Variants in ZDHHC13 observed in about 807,000 individuals in gnomAD.
The protein encoded by ZDHHC13 is zDHHC palmitoyltransferase 13.
In ZDHHC13, 85 loss-of-function variants were observed where a neutral mutation model predicts 86.0. The ratio of observed to expected loss-of-function variants is 0.99; its 90% CI spans 0.83 to 1.18. The LOEUF (loss-of-function observed/expected upper bound fraction) is 1.18, where lower values mean the gene tolerates loss of function less well. ZDHHC13 is among the 50% of genes most tolerant of loss of function. The pLI is 0.00. For missense variants in ZDHHC13, 711 were observed against 730.2 expected (o/e 0.97, Z 0.30); for synonymous variants, 263 against 246.4 (o/e 1.07, Z -0.63).
chr11:19,117,353 G>C lies in ZDHHC13; in HGVS notation c.27+77G>C, dbSNP rs1590054501. ...CTGTGGAGGAAAGGATGGTGTGGGT[G>C]AGAGGCCGCTCGATGAGGGGGTTTC... On this transcript the variant is annotated intron_variant, in intron 1 of 16. Coordinates refer to ENST00000446113, the MANE Select transcript of ZDHHC13 (RefSeq NM_019028.3). This position sits in a 1 kb window ranked among gnomAD's most constrained non-coding sequence, Gnocchi z 4.2. 5.1e-6 allele frequency: 7 copies of C among 1,365,218 alleles called. No homozygotes were observed. The East Asian group carries it at 2.1e-4, about 40-fold the overall frequency. The allele number at this position is 1,365,218 out of a possible 1,614,324, so 84.6% of individuals were successfully genotyped here.
intron 5 of ZDHHC13, among the ~76,000 whole-genome samples, chr11:19,150,476 C>T (rs1849578520): frequency 1.3e-5 from 2 of 152,086 alleles, no homozygotes; most frequent in African/African-American, 4.8e-5. Context: ...TACTCTTTCC[C>T]TTAACTGTGT....
At chr11:19,156,063 G>A (rs1426053893) in intron 9 of ZDHHC13, 134 bp downstream of exon 9, 3 of 1,122,216 alleles carry the variant, frequency 2.7e-6, no homozygotes, top group Non-Finnish European at 3.6e-6. Flanking sequence ...CATCCTGCGG[G>A]TGGATGGGAG....
chr11:19,150,045 G>T (rs1047636088), intron 5 of ZDHHC13, among the ~76,000 whole-genome samples: 1 of 152,134 alleles, frequency 6.6e-6, no homozygotes, highest in Admixed American at 6.5e-5. Flanking sequence ...GAAGAGTCCT[G>T]TCTGCTTCTC....
chr11:19,122,369 TAA>T (rs1168690823), intron 1 of ZDHHC13, among the ~76,000 whole-genome samples: 1 of 152,208 alleles, frequency 6.6e-6, no homozygotes, highest in African/African-American at 2.4e-5. Context: ...ATGTGTCTGA[TAA>T]AGAGTTCCTG....
At chr11:19,119,919 T>TCTCA (rs140016299) in intron 1 of ZDHHC13, among the ~76,000 whole-genome samples, 6,585 of 152,296 alleles carry the variant, frequency 0.043, 252 homozygotes, top group East Asian at 0.21. Flanking sequence ...CATATTTCTC[T>TCTCA]CTCACTCGCT....
At chr11:19,155,626 T>C (rs896565838) in intron 8 of ZDHHC13, among the ~76,000 whole-genome samples, 170 bp from the exon 9 acceptor site, 4 of 151,330 alleles carry the variant, frequency 2.6e-5, no homozygotes, top group Non-Finnish European at 5.9e-5. Context: ...ATGTACAATC[T>C]CTCAAACCTC....
In ZDHHC13 at chr11:19,142,980, C is replaced by T. The variant is rs774302722; in HGVS notation, c.30C>T (p.Cys10=). 6.2e-7 allele frequency: 1 copy of T among 1,606,068 alleles called. No individual in the cohort carries two copies. Among genetic ancestry groups the T allele is most frequent in the Non-Finnish European group, 8.5e-7 (1 of 1,175,634 alleles). Residue 10 remains cysteine, a splice_region_variant and synonymous_variant, in exon 2 of 17, where the codon TGC becomes TGT. Coordinates refer to ENST00000446113, the MANE Select transcript of ZDHHC13 (RefSeq NM_019028.3). ...GTCAAATGACTCTTACTCTTCAGTG[C>T]AGGAATCACAGCCATGGCCCCCACC... MEGPGLGSQ[C]RNHSHGPHPP...
chr11:19,121,326 T>C (rs1318883477), intron 1 of ZDHHC13, among the ~76,000 whole-genome samples: 1 of 151,968 alleles, frequency 6.6e-6, no homozygotes, highest in Non-Finnish European at 1.5e-5. Flanking sequence ...GTCTGAGGAG[T>C]AGTCTGTATT....
rs1848669930 is a variant in ZDHHC13 at position 19,117,497 on chromosome 11, C to G, written c.27+221C>G. On this transcript the variant is annotated intron_variant, in intron 1 of 16. Transcript: ENST00000446113. This position sits in a 1 kb window ranked among gnomAD's most constrained non-coding sequence, Gnocchi z 4.2. ...GAGGACTGAGGGGTGAGGGCCCGAG[C>G]CGGCCCCTCCAGCCTCCATCCCTGG... Among the ~76,000 whole-genome samples, 1 of 152,116 alleles carries G rather than the reference C, an allele frequency of 6.6e-6. No individual in the cohort carries two copies. Among genetic ancestry groups the G allele is most frequent in the Admixed American group, 6.5e-5 (1 of 15,284 alleles).
intron 14 of ZDHHC13, chr11:19,168,275 A>G (rs1284838802): frequency 6.6e-6 from 1 of 152,152 alleles, no homozygotes; most frequent in Non-Finnish European, 1.5e-5. Context: ...ACTGGATCCT[A>G]TGGGAGAGGA....
chr11:19,123,513 T>C (rs568724601), intron 1 of ZDHHC13, among the ~76,000 whole-genome samples: 38 of 152,138 alleles, frequency 2.5e-4, no homozygotes, highest in Middle Eastern at 6.8e-3. Flanking sequence ...CAGGGTGTGG[T>C]AGTGCTTGCT....
chr11:19,170,198 A>T (rs2133479753), intron 14 of ZDHHC13: 1 of 1,375,080 alleles, frequency 7.3e-7, no homozygotes, highest in East Asian at 2.9e-5. Context: ...CTACTTATAC[A>T]GTGTTATCAT....
At chr11:19,144,498 CT>C (rs61136811) in intron 2 of ZDHHC13, among the ~76,000 whole-genome samples, 72,426 of 150,138 alleles carry the variant, frequency 0.48, 21,313 homozygotes, top group Non-Finnish European at 0.64. Context: ...AATGTATATT[CT>C]TATTATGTTT....
At chr11:19,166,456 G>T (rs1850072592) in intron 14 of ZDHHC13, 71 bp downstream of exon 14, 2 of 1,239,034 alleles carry the variant, frequency 1.6e-6, no homozygotes, top group Admixed American at 4.4e-5. Flanking sequence ...GTAAACCCTT[G>T]TATATCACAT....
chr11:19,140,133 A>G (rs1849270278), intron 1 of ZDHHC13, among the ~76,000 whole-genome samples: 1 of 150,202 alleles, frequency 6.7e-6, no homozygotes, highest in African/African-American at 2.5e-5. Flanking sequence ...CAGGCAACCT[A>G]CAACATGGGA....
intron 1 of ZDHHC13, among the ~76,000 whole-genome samples, chr11:19,140,010 G>T (rs1187696092): frequency 6.7e-6 from 1 of 150,280 alleles, no homozygotes; most frequent in Non-Finnish European, 1.5e-5. Flanking sequence ...CATGGGAAAG[G>T]ACTTCATGTC....
intron 1 of ZDHHC13, among the ~76,000 whole-genome samples, chr11:19,138,353 A>G (rs1190425865): frequency 5.9e-5 from 9 of 151,850 alleles, no homozygotes; most frequent in Admixed American, 2.0e-4. Context: ...CTCTCCCAAG[A>G]CTAAACCAGG....
At chr11:19,168,249 C>A (rs1183170824) in intron 14 of ZDHHC13, 1 of 152,202 alleles carries the variant, frequency 6.6e-6, no homozygotes, top group East Asian at 1.9e-4. Context: ...GGCACATAGA[C>A]CAACTTGTCT....
At chr11:19,165,665 G>A (rs1318584448) in intron 13 of ZDHHC13, among the ~76,000 whole-genome samples, 3 of 152,152 alleles carry the variant, frequency 2.0e-5, no homozygotes, top group African/African-American at 7.2e-5. Flanking sequence ...CTCAGATTGT[G>A]GGTTGCCACT....
Sources: gnomAD v4.1 joint callset for allele counts (sites outside exome capture counted in the v4.1 genomes callset) on GRCh38, gnomAD v4.1.1 for gene constraint, Gnocchi (gnomAD v3.1) non-coding constraint, MANE v1.5 for transcripts, NCBI Gene and HGNC (gene_info 2026-07-23, HGNC 2026-07-21) for gene names.